Variants in ZSCAN22 observed in about 807,000 individuals in gnomAD.
The protein encoded by ZSCAN22 is zinc finger and SCAN domain-containing protein 22.
ZSCAN22 carries 7 observed loss-of-function variants against 12.4 expected under a neutral mutation model. The observed-to-expected ratio is 0.57, with a 90% CI of 0.32 to 1.06. The LOEUF is 1.06. Ranked by LOEUF, ZSCAN22 falls within the 50% of genes least tolerant of loss-of-function variation. ZSCAN22 has a pLI of 0.04. For missense variants in ZSCAN22, 576 were observed against 631.7 expected (o/e 0.91, Z 0.94); for synonymous variants, 243 against 255.9 (o/e 0.95, Z 0.48).
At chr19:58,333,939 C>A (rs1376336440) in intron 1 of ZSCAN22, among the ~76,000 whole-genome samples, 1 of 152,152 alleles carries the variant, frequency 6.6e-6, no homozygotes, top group Non-Finnish European at 1.5e-5. Context: ...AATGAAGATA[C>A]AACATATCAA....
Position 58,334,958 on chromosome 19 carries a change from C to T in ZSCAN22, c.156C>T (p.Phe52=), listed in dbSNP as rs141909268. 46 of 1,614,126 alleles carry T rather than the reference C, an allele frequency of 2.8e-5. No homozygotes were observed. In the Admixed American group the frequency reaches 5.5e-4, roughly 19 times the overall value. ...IAHSEAARLR[F]RHFRYEEASG... ...ACTCTGAGGCTGCACGCCTGCGCTT[C>T]CGGCACTTCCGCTATGAGGAGGCAT... The change falls in exon 2 of 3, where the codon TTC becomes TTT. Residue 52 remains phenylalanine (F), a synonymous_variant. Coordinates refer to ENST00000329665, the MANE Select transcript of ZSCAN22 (RefSeq NM_181846.3).
chr19:58,328,919 C>T (rs1479235329), intron 1 of ZSCAN22, among the ~76,000 whole-genome samples: 2 of 152,120 alleles, frequency 1.3e-5, no homozygotes, highest in African/African-American at 4.8e-5. Context: ...TGTGCTGTGG[C>T]TCCAGGACAG....
chr19:58,338,391 G>A lies in ZSCAN22; in HGVS notation c.541G>A (p.Glu181Lys), dbSNP rs1189911318. The change falls in exon 3 of 3, where the codon GAG (glutamate) becomes AAG (lysine). Residue 181 changes from glutamate to lysine, a missense_variant. Glu to Lys is a moderately conservative substitution (Grantham distance 56, BLOSUM62 1). Transcript: ENST00000329665. The surrounding 1 kb of genome is among the most constrained non-coding windows in gnomAD (Gnocchi z 5.4). ...GPAFVKACEP[E>K]GSSERSGLSG... is the part of the protein sequence containing the mutation. ...CGCCTTTGTCAAGGCATGTGAACCTGAGGGCAGCTCAGAGAGGTCTGGACT... is the reference window on the plus strand; with the variant it reads ...CGCCTTTGTCAAGGCATGTGAACCTAAGGGCAGCTCAGAGAGGTCTGGACT... 4 of 1,614,190 alleles carry A rather than the reference G, an allele frequency of 2.5e-6. No individual in the cohort carries two copies. Among genetic ancestry groups the A allele is most frequent in the Admixed American group, 3.3e-5 (2 of 60,024 alleles).
intron 1 of ZSCAN22, among the ~76,000 whole-genome samples, chr19:58,330,003 A>C (rs2051703196): frequency 6.6e-6 from 1 of 152,198 alleles, no homozygotes. Context: ...CATTGCCTAC[A>C]TGCGGCCAGG....
intron 1 of ZSCAN22, among the ~76,000 whole-genome samples, chr19:58,332,884 T>G (rs148424670): frequency 6.6e-6 from 1 of 152,356 alleles, no homozygotes; most frequent in East Asian, 1.9e-4. Flanking sequence ...CAGACTGTAC[T>G]TCCCACAGTG....
In ZSCAN22 at chr19:58,334,983, T is replaced by C; in HGVS notation, c.181T>C (p.Ser61Pro). 1 of 1,614,136 alleles carries C rather than the reference T, an allele frequency of 6.2e-7. No homozygotes were observed. Among genetic ancestry groups the C allele is most frequent in the Non-Finnish European group, 8.5e-7 (1 of 1,180,038 alleles). The change falls in exon 2 of 3, where the codon TCT (serine) becomes CCT (proline). Residue 61 changes from serine to proline, a missense_variant. Transcript: ENST00000329665. ...RFRHFRYEEA[S>P]GPHEALAHLR... ...CCGGCACTTCCGCTATGAGGAGGCA[T>C]CTGGTCCACACGAGGCCCTGGCCCA... is the stretch of plus-strand genomic sequence containing the variant.
At chr19:58,333,921 T>C (rs1294738163) in intron 1 of ZSCAN22, among the ~76,000 whole-genome samples, 1 of 152,234 alleles carries the variant, frequency 6.6e-6, no homozygotes, top group Non-Finnish European at 1.5e-5. Flanking sequence ...TATTTTTAAC[T>C]AAATGATAAT....
rs1258118163 is a variant in ZSCAN22 at position 58,329,540 on chromosome 19, G to C, written c.-52+2426G>C. ...TAGGGTATTCTTCCTGACTATAAGA[G>C]AAAACAAATTCACTGTGGGAAGTAG... On this transcript the variant is annotated intron_variant, in intron 1 of 2. Coordinates refer to ENST00000329665, the MANE Select transcript of ZSCAN22 (RefSeq NM_181846.3). This position sits in a 1 kb window ranked among gnomAD's most constrained non-coding sequence, Gnocchi z 4.1. Among the ~76,000 whole-genome samples, 1 of 152,148 alleles carries C rather than the reference G, an allele frequency of 6.6e-6. No individual in the cohort carries two copies. The highest frequency in any genetic ancestry group is 1.5e-5 in the Non-Finnish European group (1 of 68,032).
Position 58,334,760 on chromosome 19 carries a change from C to G in ZSCAN22, c.-43C>G. ...CTCTGACATTCCTGCAGGCCCAGTT[C>G]CAAGGCTCCGGCATCCTGTGTCTCA... On this transcript the variant is annotated 5_prime_UTR_variant, in exon 2 of 3. Transcript: ENST00000329665. 6.5e-7 allele frequency: 1 copy of G among 1,530,114 alleles called. No homozygotes were observed. The highest frequency in any genetic ancestry group is 8.8e-7 in the Non-Finnish European group (1 of 1,137,550). 94.8% of individuals were successfully genotyped at this position (1,530,114 alleles called of 1,614,324 possible).
Position 58,338,810 on chromosome 19 carries a change from G to C in ZSCAN22, c.960G>C (p.Gly320=). 6.2e-7 allele frequency: 1 copy of C among 1,614,044 alleles called. No individual in the cohort carries two copies. The highest frequency in any genetic ancestry group is 8.5e-7 in the Non-Finnish European group (1 of 1,179,894). ...CCCAGCACCAGGTTGTCCACACAGG[G>C]GCGAAGCCCCATGAGTGTAAGGAAT... ...HLAQHQVVHT[G]AKPHECKECG... Residue 320 remains glycine (G), a synonymous_variant, in exon 3 of 3, where the codon GGG becomes GGC. Coordinates refer to ENST00000329665, the MANE Select transcript of ZSCAN22 (RefSeq NM_181846.3). The surrounding 1 kb of genome is among the most constrained non-coding windows in gnomAD (Gnocchi z 5.4).
rs986742063 is a variant in ZSCAN22 at position 58,327,837 on chromosome 19, T to C, written c.-52+723T>C. Reference sequence around the variant, plus strand: ...CTGTGATCAGAATAATACTGTGTGATGGAAATGCTGCGAGGGCCTGTGTTT... The same window carrying C: ...CTGTGATCAGAATAATACTGTGTGACGGAAATGCTGCGAGGGCCTGTGTTT... On this transcript the variant is annotated intron_variant, in intron 1 of 2. Coordinates refer to ENST00000329665, the MANE Select transcript of ZSCAN22 (RefSeq NM_181846.3). 4.6e-5 allele frequency among the ~76,000 whole-genome samples: 7 copies of C among 152,192 alleles called. No homozygotes were observed. In the South Asian group the frequency reaches 1.0e-3, roughly 23 times the overall value.
In ZSCAN22 at chr19:58,334,781, T is replaced by C. The variant is rs760570990; in HGVS notation, c.-22T>C. ...AGTTCCAAGGCTCCGGCATCCTGTGTCTCACTGAGCACTGCTGCCCGATGG... is the reference window on the plus strand; with the variant it reads ...AGTTCCAAGGCTCCGGCATCCTGTGCCTCACTGAGCACTGCTGCCCGATGG... On this transcript the variant is annotated 5_prime_UTR_variant, in exon 2 of 3. Coordinates refer to ENST00000329665, the MANE Select transcript of ZSCAN22 (RefSeq NM_181846.3). The C allele has an allele frequency of 1.6e-5, 25 of 1,569,362 alleles. No homozygotes were observed. The highest frequency in any genetic ancestry group is 2.1e-5 in the Non-Finnish European group (24 of 1,154,586).
Position 58,338,200 on chromosome 19 carries a change from T to G in ZSCAN22, c.404-54T>G. On this transcript the variant is annotated intron_variant, in intron 2 of 2. Transcript: ENST00000329665. The surrounding 1 kb of genome is among the most constrained non-coding windows in gnomAD (Gnocchi z 5.4). ...AGTGTGACCGGGGCCCTCGGCAGAG[T>G]AGGGGAGGCTTGGTGTGGTAGGAGG... is the stretch of plus-strand genomic sequence containing the variant. The G allele has an allele frequency of 1.3e-6, 2 of 1,487,800 alleles. No homozygotes were observed. Among genetic ancestry groups the G allele is most frequent in the Admixed American group, 2.0e-5 (1 of 50,576 alleles). The allele number at this position is 1,487,800 out of a possible 1,614,324, so 92.2% of individuals were successfully genotyped here.
rs751169312 is a variant in ZSCAN22 at position 58,335,356 on chromosome 19, G to A, written c.403+151G>A. 313 of 1,161,526 alleles carry A rather than the reference G, an allele frequency of 2.7e-4. No homozygotes were observed. The highest frequency in any genetic ancestry group is 3.5e-4 in the Non-Finnish European group (298 of 856,786). 72.0% of individuals were successfully genotyped at this position (1,161,526 alleles called of 1,614,324 possible). A position where few individuals can be genotyped will look rare whatever the true frequency, so the allele number is the denominator to read the frequency against. ...CTCTCACACACTGTTGTAGACAGGT[G>A]TGTTTTGGTTGCAGGTGACCAAAAG... On this transcript the variant is annotated intron_variant, in intron 2 of 2. Coordinates refer to ENST00000329665, the MANE Select transcript of ZSCAN22 (RefSeq NM_181846.3). The surrounding 1 kb of genome is among the most constrained non-coding windows in gnomAD (Gnocchi z 4.1).
intron 1 of ZSCAN22, among the ~76,000 whole-genome samples, chr19:58,334,386 G>A (rs534929245): frequency 6.6e-6 from 1 of 152,184 alleles, no homozygotes; most frequent in South Asian, 2.1e-4. Context: ...GCGTAGTCTC[G>A]GCTCACTGCA....
rs566578269 is a variant in ZSCAN22 at position 58,337,090 on chromosome 19, C to A, written c.404-1164C>A. Among the ~76,000 whole-genome samples, 4 of 152,374 alleles carry A rather than the reference C, an allele frequency of 2.6e-5. No homozygotes were observed. The East Asian group carries it at 7.7e-4, about 29-fold the overall frequency. On this transcript the variant is annotated intron_variant, in intron 2 of 2. Transcript: ENST00000329665. Reference sequence around the variant, plus strand: ...ATGCACACTCTGATCTCCAAGAGCACCTCCGCCACACTCTGCCTTCATAGT... The same window carrying A: ...ATGCACACTCTGATCTCCAAGAGCAACTCCGCCACACTCTGCCTTCATAGT...
In ZSCAN22 at chr19:58,334,757, G is replaced by T; in HGVS notation, c.-46G>T. 6.6e-7 allele frequency: 1 copy of T among 1,526,572 alleles called. No individual in the cohort carries two copies. Among genetic ancestry groups the T allele is most frequent in the Non-Finnish European group, 8.8e-7 (1 of 1,135,996 alleles). 94.6% of individuals were successfully genotyped at this position (1,526,572 alleles called of 1,614,324 possible). A position where few individuals can be genotyped will look rare whatever the true frequency, so the allele number is the denominator to read the frequency against. ...AAGCTCTGACATTCCTGCAGGCCCA[G>T]TTCCAAGGCTCCGGCATCCTGTGTC... On this transcript the variant is annotated 5_prime_UTR_variant, in exon 2 of 3. Coordinates refer to ENST00000329665, the MANE Select transcript of ZSCAN22 (RefSeq NM_181846.3).
rs953394190 is a variant in ZSCAN22 at position 58,341,573 on chromosome 19, T to G, written c.*2247T>G. On this transcript the variant is annotated 3_prime_UTR_variant, in exon 3 of 3. Coordinates refer to ENST00000329665, the MANE Select transcript of ZSCAN22 (RefSeq NM_181846.3). ...GAGGCACAGAGACTGATGAGAAACG[T>G]TCATAACATGAAGGTAAGACTCAGG... 6.6e-6 allele frequency: 1 copy of G among 152,190 alleles called. No homozygotes were observed. Among genetic ancestry groups the G allele is most frequent in the Non-Finnish European group, 1.5e-5 (1 of 68,046 alleles). 9.4% of individuals were successfully genotyped at this position (152,190 alleles called of 1,614,324 possible).
At chr19:58,330,433 T>C (rs905149304) in intron 1 of ZSCAN22, among the ~76,000 whole-genome samples, 2 of 152,246 alleles carry the variant, frequency 1.3e-5, no homozygotes, top group African/African-American at 4.8e-5. Flanking sequence ...TCTTACAACA[T>C]ACTGCCAAAT....
Sources: gnomAD v4.1 joint callset for allele counts (sites outside exome capture counted in the v4.1 genomes callset) on GRCh38, gnomAD v4.1.1 for gene constraint, Gnocchi (gnomAD v3.1) non-coding constraint, MANE v1.5 for transcripts, NCBI Gene and HGNC (gene_info 2026-07-23, HGNC 2026-07-21) for gene names.